Variants in DNAH12 observed in about 807,000 individuals in gnomAD.
DNAH12 encodes dynein axonemal heavy chain 12, also known as axonemal beta dynein heavy chain 12.
A neutral mutation model predicts 371.5 loss-of-function variants in DNAH12; 285 were observed. The observed-to-expected ratio is 0.77, with a 90% CI of 0.70 to 0.85. The LOEUF (loss-of-function observed/expected upper bound fraction) is 0.85, where lower values mean the gene tolerates loss of function less well. Ranked by LOEUF, DNAH12 falls within the 40% of genes least tolerant of loss-of-function variation. The pLI is 0.00. For synonymous variants in DNAH12, 1,200 were observed against 1,213.0 expected (o/e 0.99, Z 0.22); for missense variants, 3,611 against 3,689.4 (o/e 0.98, Z 0.55).
intron 4 of DNAH12, among the ~76,000 whole-genome samples, chr3:57,516,979 A>G (rs965360368): frequency 6.6e-6 from 1 of 152,132 alleles, no homozygotes; most frequent in Non-Finnish European, 1.5e-5. Context: ...CTCAATCAGC[A>G]GCTGGCCTTC....
At chr3:57,394,701 C>T (rs2063700849) in intron 43 of DNAH12, among the ~76,000 whole-genome samples, 1 of 152,170 alleles carries the variant, frequency 6.6e-6, no homozygotes, top group South Asian at 2.1e-4. Flanking sequence ...TAACTGTTTG[C>T]CTCATGGTAT....
intron 62 of DNAH12, among the ~76,000 whole-genome samples, chr3:57,328,546 T>C (rs1425771754): frequency 6.6e-6 from 1 of 151,824 alleles, no homozygotes; most frequent in East Asian, 1.9e-4. Context: ...AATTAGGTAT[T>C]GATGGGATGT....
intron 11 of DNAH12, among the ~76,000 whole-genome samples, chr3:57,495,401 A>C (rs1262831231): frequency 6.7e-6 from 1 of 148,768 alleles, no homozygotes; most frequent in African/African-American, 2.6e-5. Flanking sequence ...GCTACTAAAA[A>C]TACAAAAACA....
At chr3:57,427,967 C>T (rs6802212) in intron 34 of DNAH12, among the ~76,000 whole-genome samples, 84,385 of 151,020 alleles carry the variant, frequency 0.56, 24,868 homozygotes, top group African/African-American at 0.76. Flanking sequence ...CTTGCTCTGT[C>T]GCCCAGGCTG....
chr3:57,442,684 A>G (rs1022918568), intron 29 of DNAH12, among the ~76,000 whole-genome samples: 2 of 152,230 alleles, frequency 1.3e-5, no homozygotes, highest in African/African-American at 2.4e-5. Context: ...ATAAGAGTAC[A>G]TAAGAGTTCT....
intron 34 of DNAH12, among the ~76,000 whole-genome samples, chr3:57,426,554 A>C (rs2064774548): frequency 6.6e-6 from 1 of 151,958 alleles, no homozygotes; most frequent in Non-Finnish European, 1.5e-5. Flanking sequence ...TGGGGCCTGG[A>C]CCAGGTGGCT....
At position 57,452,863 on chromosome 3, in the gene DNAH12, CAGTT is replaced by C. The variant is rs1411339734; in HGVS notation, c.3762_3765del (p.Asp1256GlyfsTer6). 7.8e-6 allele frequency: 12 copies of C among 1,547,954 alleles called. No homozygotes were observed. The Middle Eastern group carries it at 5.0e-4, about 65-fold the overall frequency. On this transcript the variant is annotated frameshift_variant, in exon 25 of 74. Coordinates refer to ENST00000495027, the MANE Select transcript of DNAH12 (RefSeq NM_001366028.2). LOFTEE classifies it high-confidence loss of function. ...CATACCAATGTTCTGTAACACCTGT[CAGTT>C]AGAGGCGTAATGACAAGTCGAGGTG...
chr3:57,438,918 C>CAAAAAAAAAAAAAAAAAAAAA (rs57608649), intron 29 of DNAH12, among the ~76,000 whole-genome samples: 2 of 94,530 alleles, frequency 2.1e-5, no homozygotes, highest in Non-Finnish European at 4.0e-5. Flanking sequence ...CTGTCTCAGA[C>CAAAAAAAAAAAAAAAAAAAAA]AAAAAAAAAA....
intron 27 of DNAH12, among the ~76,000 whole-genome samples, 194 bp downstream of exon 27, chr3:57,445,837 A>C (rs2065474497): frequency 6.6e-6 from 1 of 151,984 alleles, no homozygotes; most frequent in South Asian, 2.1e-4. Flanking sequence ...AAATACAAAA[A>C]ATTAGCCAGG....
chr3:57,307,334 T>C (rs1030220736), intron 69 of DNAH12, among the ~76,000 whole-genome samples: 7 of 152,172 alleles, frequency 4.6e-5, no homozygotes, highest in Non-Finnish European at 1.0e-4. Context: ...TTTCCATTCC[T>C]TGAAGACAGC....
chr3:57,434,147 C>T (rs954603384), intron 30 of DNAH12, among the ~76,000 whole-genome samples: 1 of 152,168 alleles, frequency 6.6e-6, no homozygotes, highest in African/African-American at 2.4e-5. Flanking sequence ...GATTTATATT[C>T]CCAAAGTCTT....
intron 11 of DNAH12, among the ~76,000 whole-genome samples, chr3:57,495,679 TTGTTATACCATTTACAGTCTCACCAGA>T (rs1211940839): frequency 1.4e-5 from 2 of 145,976 alleles, no homozygotes; most frequent in African/African-American, 5.0e-5. Context: ...TCTTTCAAAG[TTGTTATACCATTTACAGTCTCACCAGA>T]TTATATCTGC....
At chr3:57,435,350 T>A in intron 30 of DNAH12, among the ~76,000 whole-genome samples, 1 of 123,258 alleles carries the variant, frequency 8.1e-6, no homozygotes, top group Non-Finnish European at 1.6e-5. Flanking sequence ...CCAGCCTGGG[T>A]GATAGACCAA....
At chr3:57,342,716 AT>A (rs1378006974) in intron 60 of DNAH12, among the ~76,000 whole-genome samples, 1 of 151,606 alleles carries the variant, frequency 6.6e-6, no homozygotes, top group Non-Finnish European at 1.5e-5. Context: ...CCACCAAAGA[AT>A]TAATATCCAG....
chr3:57,548,046 A>T (rs1038094528), upstream of DNAH12, among the ~76,000 whole-genome samples: 1 of 152,386 alleles, frequency 6.6e-6, no homozygotes, highest in Non-Finnish European at 1.5e-5. Flanking sequence ...TAGAATGGCT[A>T]TGGTGAAAGA....
intron 12 of DNAH12, among the ~76,000 whole-genome samples, chr3:57,485,971 G>A (rs2066911385): frequency 6.6e-6 from 1 of 151,930 alleles, no homozygotes; most frequent in South Asian, 2.1e-4. Context: ...TGTAATCTCA[G>A]CACTTTGGGA....
At chr3:57,373,671 C>T (rs1350205295) in intron 55 of DNAH12, among the ~76,000 whole-genome samples, 3 of 152,036 alleles carry the variant, frequency 2.0e-5, no homozygotes, top group African/African-American at 4.8e-5. Flanking sequence ...TGAATGGTCA[C>T]GAAACACATG....
Position 57,419,359 on chromosome 3 carries a change from T to C in DNAH12, c.5714+8A>G. On this transcript the variant is annotated splice_region_variant and intron_variant, in intron 37 of 73. Coordinates refer to ENST00000495027, the MANE Select transcript of DNAH12 (RefSeq NM_001366028.2). ...TTCAAAATGCTTGTTTATAGCAGAG[T>C]TCCTTACTTTGCATAGGTAATACTC... is the stretch of plus-strand genomic sequence containing the variant. 6.7e-7 allele frequency: 1 copy of C among 1,491,102 alleles called. No homozygotes were observed. Among genetic ancestry groups the C allele is most frequent in the East Asian group, 2.7e-5 (1 of 36,686 alleles). 92.4% of individuals were successfully genotyped at this position (1,491,102 alleles called of 1,614,324 possible). A position where few individuals can be genotyped will look rare whatever the true frequency, so the allele number is the denominator to read the frequency against.
chr3:57,460,841 A>G (rs2066035999), intron 19 of DNAH12, among the ~76,000 whole-genome samples: 1 of 152,194 alleles, frequency 6.6e-6, no homozygotes, highest in South Asian at 2.1e-4. Flanking sequence ...CTTGTCCATG[A>G]ATACAGATAA....
Sources: gnomAD v4.1 joint callset for allele counts (sites outside exome capture counted in the v4.1 genomes callset) on GRCh38, gnomAD v4.1.1 for gene constraint, MANE v1.5 for transcripts, NCBI Gene and HGNC (gene_info 2026-07-23, HGNC 2026-07-21) for gene names.